FBXO42: variants seen among roughly 807,000 people sequenced by gnomAD.
FBXO42 encodes the protein F-box only protein 42.
In FBXO42, 12 loss-of-function variants were observed where a neutral mutation model predicts 71.7. The ratio of observed to expected loss-of-function variants is 0.17; its 90% confidence interval spans 0.11 to 0.27. FBXO42 has a LOEUF of 0.27. Among genes scored for constraint, FBXO42 ranks in the 10% least tolerant of loss-of-function variants. The probability of loss-of-function intolerance (pLI) is 1.00; values close to 1 mark genes in which losing one functional copy is unlikely to be tolerated. For missense variants in FBXO42, 707 were observed against 911.9 expected (o/e 0.78, Z 2.89); for synonymous variants, 325 against 327.5 (o/e 0.99, Z 0.08).
Position 16,352,393 on chromosome 1 carries a change from C to A in FBXO42, c.-156G>T. The stretch of plus-strand genomic sequence containing the variant: ...GGGGCTCCTCACAGCTGGCGGGACC[C>A]CGAGCCGCCCGGAGCCGCCATCTTC... On this transcript the variant is annotated 5_prime_UTR_variant, in exon 1 of 10. Coordinates refer to ENST00000375592, the MANE Select transcript of FBXO42 (RefSeq NM_018994.3). 1 of 399,692 alleles carries A rather than the reference C, an allele frequency of 2.5e-6. No homozygotes were observed. The highest frequency in any genetic ancestry group is 4.4e-6 in the Non-Finnish European group (1 of 227,052). The allele number at this position is 399,692 out of a possible 1,614,324, so 24.8% of individuals were successfully genotyped here.
In FBXO42 at chr1:16,352,245, G is replaced by A. The variant is rs916419144; in HGVS notation, c.-18+10C>T. 2 of 394,826 alleles carry A rather than the reference G, an allele frequency of 5.1e-6. No homozygotes were observed. The highest frequency in any genetic ancestry group is 7.2e-5 in the East Asian group (2 of 27,846). The allele number at this position is 394,826 out of a possible 1,614,324, so 24.5% of individuals were successfully genotyped here. A position where few individuals can be genotyped will look rare whatever the true frequency, so the allele number is the denominator to read the frequency against. ...CCCCTCTGCGGCCCGGGGAGGAGGA[G>A]AGGCCTCACCTGGCCCAGCCCGCTC... On this transcript the variant is annotated intron_variant, in intron 1 of 9. Transcript: ENST00000375592.
chr1:16,323,508 G>C (rs1338782185), intron 1 of FBXO42, among the ~76,000 whole-genome samples: 3 of 144,790 alleles, frequency 2.1e-5, no homozygotes, highest in Non-Finnish European at 3.0e-5. Context: ...TAAAGAATAA[G>C]GGACAGGGCC....
intron 4 of FBXO42, among the ~76,000 whole-genome samples, chr1:16,280,952 T>C (rs1193524175): frequency 6.6e-6 from 1 of 152,114 alleles, no homozygotes; most frequent in East Asian, 1.9e-4. Flanking sequence ...ACTTGTTGTG[T>C]GTGTGTTTGT....
At chr1:16,309,230 G>A (rs558427492) in intron 2 of FBXO42, among the ~76,000 whole-genome samples, 1 of 151,172 alleles carries the variant, frequency 6.6e-6, no homozygotes, top group South Asian at 2.1e-4. Context: ...ACCATACCCA[G>A]CTAATTTTTT....
Position 16,250,585 on chromosome 1 carries a change from GT to G in FBXO42, c.*84del. On this transcript the variant is annotated 3_prime_UTR_variant, in exon 10 of 10. Transcript: ENST00000375592. The surrounding 1 kb of genome is among the most constrained non-coding windows in gnomAD (Gnocchi z 4.7). ...AGTTTTGGCTTCTGGGAGTAATTTTGTTTTCCCAATTCTCAGTCCAAATGCT... is the reference window on the plus strand; with the variant it reads ...AGTTTTGGCTTCTGGGAGTAATTTTGTTTCCCAATTCTCAGTCCAAATGCT... 1 of 1,477,584 alleles carries G rather than the reference GT, an allele frequency of 6.8e-7. No homozygotes were observed. Among genetic ancestry groups the G allele is most frequent in the South Asian group, 1.4e-5 (1 of 69,782 alleles). 91.5% of individuals were successfully genotyped at this position (1,477,584 alleles called of 1,614,324 possible). A position where few individuals can be genotyped will look rare whatever the true frequency, so the allele number is the denominator to read the frequency against.
chr1:16,334,806 G>A (rs2082536212), intron 1 of FBXO42, among the ~76,000 whole-genome samples: 2 of 152,158 alleles, frequency 1.3e-5, no homozygotes, highest in Middle Eastern at 3.4e-3. Flanking sequence ...ACTCATACAG[G>A]CAAACAGGTA....
At chr1:16,277,276 C>T (rs747403247) in intron 4 of FBXO42, among the ~76,000 whole-genome samples, 4 of 152,182 alleles carry the variant, frequency 2.6e-5, no homozygotes, top group African/African-American at 4.8e-5. Context: ...TCTCCTAACA[C>T]ATTTGCATAT....
chr1:16,347,643 T>C (rs2082663536), intron 1 of FBXO42, among the ~76,000 whole-genome samples: 2 of 151,992 alleles, frequency 1.3e-5, no homozygotes, highest in Non-Finnish European at 2.9e-5. Context: ...TCACCTGAGA[T>C]CAGGAGCTCC....
At position 16,256,596 on chromosome 1, in the gene FBXO42, T is replaced by C; in HGVS notation, c.656+10A>G. 6.2e-7 allele frequency: 1 copy of C among 1,613,110 alleles called. No homozygotes were observed. Among genetic ancestry groups the C allele is most frequent in the South Asian group, 1.1e-5 (1 of 90,960 alleles). On this transcript the variant is annotated intron_variant, in intron 5 of 9. Transcript: ENST00000375592. ...CTTCCAGATTTAAAGAGTTTATCTT[T>C]GTGACTTACCAATTTTTAGAGGGTG...
chr1:16,253,423 CA>C, intron 7 of FBXO42: 1 of 593,144 alleles, frequency 1.7e-6, no homozygotes. Context: ...AATGACACAG[CA>C]AAGTAAATGC....
intron 3 of FBXO42, among the ~76,000 whole-genome samples, chr1:16,302,555 G>A (rs911466426): frequency 6.6e-6 from 1 of 152,142 alleles, no homozygotes; most frequent in East Asian, 1.9e-4. Flanking sequence ...TGTTGCCCAG[G>A]CTGTAGTGCA....
intron 1 of FBXO42, among the ~76,000 whole-genome samples, chr1:16,330,713 G>C (rs187845819): frequency 3.3e-5 from 5 of 152,126 alleles, no homozygotes; most frequent in African/African-American, 1.2e-4. Flanking sequence ...AGACCGAGGA[G>C]GTGAATCACC....
intron 3 of FBXO42, among the ~76,000 whole-genome samples, chr1:16,298,359 G>A (rs1483637661): frequency 6.6e-6 from 1 of 152,116 alleles, no homozygotes; most frequent in African/African-American, 2.4e-5. Flanking sequence ...CAGATATCCT[G>A]GTCCTCTTAG....
At chr1:16,286,111 A>G (rs2082019161) in intron 4 of FBXO42, among the ~76,000 whole-genome samples, 1 of 151,596 alleles carries the variant, frequency 6.6e-6, no homozygotes, top group East Asian at 1.9e-4. Flanking sequence ...GGCTGAAGCA[A>G]TTCTGCCTCA....
intron 4 of FBXO42, among the ~76,000 whole-genome samples, chr1:16,286,196 T>C (rs1206405704): frequency 6.6e-6 from 1 of 152,110 alleles, no homozygotes; most frequent in Non-Finnish European, 1.5e-5. Flanking sequence ...CTTCACTCAG[T>C]CCCTTGGTAA....
chr1:16,346,770 T>C (rs1367341857), intron 1 of FBXO42, among the ~76,000 whole-genome samples: 43 of 135,580 alleles, frequency 3.2e-4, no homozygotes, highest in Admixed American at 7.3e-4. Context: ...TTTTTTTTTT[T>C]CTGAGACAGA....
chr1:16,301,856 C>T (rs1351849658), intron 3 of FBXO42, among the ~76,000 whole-genome samples: 1 of 151,998 alleles, frequency 6.6e-6, no homozygotes, highest in East Asian at 1.9e-4. Flanking sequence ...TGGTCTCAAA[C>T]ACCTGGGCTC....
chr1:16,312,821 A>ATC (rs1438081103), intron 2 of FBXO42, among the ~76,000 whole-genome samples: 1 of 150,020 alleles, frequency 6.7e-6, no homozygotes, highest in Non-Finnish European at 1.5e-5. Flanking sequence ...TTGAGACAGA[A>ATC]TCTCTGTCTG....
intron 2 of FBXO42, among the ~76,000 whole-genome samples, chr1:16,307,056 T>A: frequency 6.6e-6 from 1 of 152,124 alleles, no homozygotes; most frequent in East Asian, 1.9e-4. Context: ...CATGCCCAGC[T>A]AATTTTTGTA....
Sources: allele counts gnomAD v4.1 joint callset (sites outside exome capture counted in the v4.1 genomes callset), GRCh38; gene constraint gnomAD v4.1.1; non-coding constraint Gnocchi (gnomAD v3.1); transcripts MANE v1.5; gene names NCBI Gene and HGNC (gene_info 2026-07-23, HGNC 2026-07-21).